Variants in SLC4A4 observed in about 807,000 individuals in gnomAD.
SLC4A4 encodes the protein electrogenic sodium bicarbonate cotransporter 1.
SLC4A4 carries 27 observed loss-of-function variants against 111.5 expected under a neutral mutation model. That is an observed-to-expected ratio of 0.24 (90% CI 0.18 to 0.33). The LOEUF (loss-of-function observed/expected upper bound fraction) is 0.33. Among genes scored for constraint, SLC4A4 ranks in the 10% least tolerant of loss-of-function variants. The pLI is 1.00. For synonymous variants in SLC4A4, 443 were observed against 463.4 expected, an observed-to-expected ratio of 0.96 and a Z score of 0.57; for missense variants, 909 against 1,315.5, an observed-to-expected ratio of 0.69 and a Z score of 4.78.
At chr4:71,271,536 G>C (rs964413795) in intron 3 of SLC4A4, among the ~76,000 whole-genome samples, 1 of 152,140 alleles carries the variant, frequency 6.6e-6, no homozygotes, top group African/African-American at 2.4e-5. Flanking sequence ...GATTAATATT[G>C]TTCCTACAGT....
At chr4:71,354,987 T>C (rs1339375070) in intron 5 of SLC4A4, among the ~76,000 whole-genome samples, 2 of 152,262 alleles carry the variant, frequency 1.3e-5, no homozygotes, top group African/African-American at 4.8e-5. Flanking sequence ...TGTGAAATGT[T>C]ACTGCCCCCA....
In SLC4A4 at chr4:71,102,837, C is replaced by T. The variant is rs866012251; in HGVS notation, c.-2+10045C>T. On this transcript the variant is annotated intron_variant, in intron 2 of 26. Coordinates refer to the SLC4A4 transcript ENST00000649996. ...AATCATGCCAAAATGTAAAGACCATCGAGACTAGGAAGAAACTGCATCAAC... is the reference window on the plus strand; with the variant it reads ...AATCATGCCAAAATGTAAAGACCATTGAGACTAGGAAGAAACTGCATCAAC... 8.5e-3 allele frequency among the ~76,000 whole-genome samples: 1,292 copies of T among 151,720 alleles called. 5 individuals carry two copies. The highest frequency in any genetic ancestry group is 0.014 in the Middle Eastern group (4 of 292).
intron 21 of SLC4A4, among the ~76,000 whole-genome samples, chr4:71,556,196 G>T (rs1008177729): frequency 2.0e-5 from 3 of 151,946 alleles, no homozygotes; most frequent in African/African-American, 7.2e-5. Flanking sequence ...TCTCTGTTTA[G>T]GTCTGCTGAG....
chr4:71,366,850 A>C (rs1247794604), intron 6 of SLC4A4, among the ~76,000 whole-genome samples: 1 of 152,358 alleles, frequency 6.6e-6, no homozygotes, highest in Non-Finnish European at 1.5e-5. Context: ...CCTCCTGCAC[A>C]GAAGTACACA....
At chr4:71,304,744 C>A (rs1320404784) in intron 3 of SLC4A4, among the ~76,000 whole-genome samples, 4 of 152,118 alleles carry the variant, frequency 2.6e-5, no homozygotes, top group African/African-American at 9.7e-5. Flanking sequence ...ACTGATTCAG[C>A]CTTGGGCAAG....
chr4:71,371,948 C>T (rs192304741), intron 6 of SLC4A4, among the ~76,000 whole-genome samples: 1 of 152,278 alleles, frequency 6.6e-6, no homozygotes, highest in Admixed American at 6.5e-5. Flanking sequence ...AACCGTTAAC[C>T]AAAAGTGAAT....
chr4:71,452,392 T>C (rs1265884491), intron 11 of SLC4A4, among the ~76,000 whole-genome samples: 8 of 152,204 alleles, frequency 5.3e-5, no homozygotes, highest in Non-Finnish European at 8.8e-5. Flanking sequence ...ATATATTTCA[T>C]TCTTTTATAT....
intron 16 of SLC4A4, among the ~76,000 whole-genome samples, chr4:71,519,563 A>G (rs1732737742): frequency 6.6e-6 from 1 of 152,094 alleles, no homozygotes; most frequent in Admixed American, 6.6e-5. Flanking sequence ...CCTCCCTTAT[A>G]CCCCAACTCA....
At chr4:71,400,369 G>A (rs1194466642) in intron 7 of SLC4A4, among the ~76,000 whole-genome samples, 1 of 152,148 alleles carries the variant, frequency 6.6e-6, no homozygotes, top group East Asian at 1.9e-4. Flanking sequence ...AAGCCCATGG[G>A]AATGGAGTCT....
chr4:71,555,072 A>G lies in SLC4A4; in HGVS notation c.2695-68A>G. The G allele has an allele frequency of 2.7e-6, 3 of 1,119,880 alleles. No homozygotes were observed. The South Asian group carries it at 3.7e-5, about 14-fold the overall frequency. The allele number at this position is 1,119,880 out of a possible 1,614,324, so 69.4% of individuals were successfully genotyped here. ...AGTTTTAGATTTAGCCTTTATTTAA[A>G]TGATTCCTCTTCATTCCTCTTTTTT... is the stretch of plus-strand genomic sequence containing the variant. On this transcript the variant is annotated intron_variant, in intron 20 of 25. Transcript: ENST00000264485.
intron 7 of SLC4A4, among the ~76,000 whole-genome samples, chr4:71,433,901 C>T (rs1723871484): frequency 1.3e-5 from 2 of 151,928 alleles, no homozygotes; most frequent in Admixed American, 6.6e-5. Flanking sequence ...GTATGCAGCC[C>T]TTAAAATGAA....
In SLC4A4 at chr4:71,309,514, C is replaced by T. The variant is rs180767689; in HGVS notation, c.254-29856C>T. 1.6e-4 allele frequency among the ~76,000 whole-genome samples: 25 copies of T among 152,244 alleles called. No homozygotes were observed. In the East Asian group the frequency reaches 3.9e-3, roughly 24 times the overall value. ...GGAATCTTTGCTGTTCTGCAGACTC[C>T]GCTGGTGATACCAGGCAAATAGGGT... is the stretch of plus-strand genomic sequence containing the variant. On this transcript the variant is annotated intron_variant, in intron 3 of 25. Coordinates refer to ENST00000264485, the MANE Select transcript of SLC4A4 (RefSeq NM_001098484.3).
intron 2 of SLC4A4, among the ~76,000 whole-genome samples, chr4:71,252,825 A>T (rs141994600): frequency 6.6e-6 from 1 of 152,284 alleles, no homozygotes; most frequent in African/African-American, 2.4e-5. Flanking sequence ...GATTATGATG[A>T]TCGTTGCACA....
intron 3 of SLC4A4, among the ~76,000 whole-genome samples, chr4:71,259,344 G>T (rs1721682458): frequency 6.6e-6 from 1 of 152,040 alleles, no homozygotes; most frequent in African/African-American, 2.4e-5. Context: ...TGAGGAGGAA[G>T]CGAGCTAGCT....
chr4:71,370,026 A>G (rs1731714783), intron 6 of SLC4A4, among the ~76,000 whole-genome samples: 1 of 152,242 alleles, frequency 6.6e-6, no homozygotes, highest in Non-Finnish European at 1.5e-5. Context: ...TAAATCTTAA[A>G]GGAAAAGTAT....
intron 5 of SLC4A4, among the ~76,000 whole-genome samples, chr4:71,352,089 T>C (rs1245724354): frequency 6.6e-6 from 1 of 152,272 alleles, no homozygotes; most frequent in South Asian, 2.1e-4. Flanking sequence ...ATCTGTTCCA[T>C]TGTCTTTTTT....
chr4:71,563,915 C>T, intron 24 of SLC4A4, 26 bp downstream of exon 24: 2 of 1,414,572 alleles, frequency 1.4e-6, no homozygotes, highest in Non-Finnish European at 2.0e-6. Context: ...CTCTTGCATG[C>T]TTGCTTGAAT....
intron 19 of SLC4A4, 31 bp from the exon 20 acceptor site, chr4:71,547,617 G>A: frequency 6.4e-7 from 1 of 1,558,934 alleles, no homozygotes; most frequent in Non-Finnish European, 8.8e-7. Flanking sequence ...AAGACAAGAG[G>A]TAGATTGGTA....
At chr4:71,145,834 CTCTTT>C (rs1298135944) in intron 2 of SLC4A4, among the ~76,000 whole-genome samples, 1 of 152,094 alleles carries the variant, frequency 6.6e-6, no homozygotes, top group African/African-American at 2.4e-5. Context: ...TGATTCTTCT[CTCTTT>C]TCTTCTTTAT....
Sources: gnomAD v4.1 joint callset for allele counts (sites outside exome capture counted in the v4.1 genomes callset) on GRCh38, gnomAD v4.1.1 for gene constraint, MANE v1.5 for transcripts, NCBI Gene and HGNC (gene_info 2026-07-23, HGNC 2026-07-21) for gene names.